Variants in CSF2RB observed in about 807,000 individuals in gnomAD.
The protein encoded by CSF2RB is cytokine receptor common subunit beta.
In CSF2RB, 22 loss-of-function variants were observed where a neutral mutation model predicts 67.2. The observed-to-expected ratio is 0.33, with a 90% CI of 0.23 to 0.47. CSF2RB has a LOEUF of 0.47. CSF2RB is among the 20% of genes least tolerant of loss of function. The pLI is 1.00. For synonymous variants in CSF2RB, 507 were observed against 482.9 expected, an observed-to-expected ratio of 1.05 and a Z score of -0.65; for missense variants, 1,113 against 1,174.5, an observed-to-expected ratio of 0.95 and a Z score of 0.76.
rs112137675 is a variant in CSF2RB at position 36,937,067 on chromosome 22, G to T, written c.1569-310G>T. Among the ~76,000 whole-genome samples, 6,668 of 152,204 alleles carry T rather than the reference G, an allele frequency of 0.044. 205 individuals are homozygous for T. The highest frequency in any genetic ancestry group is 0.09 in the Admixed American group (1,370 of 15,284). ...AAGGGTTGCCCAGTGCACAGGCTGG[G>T]CATGAGCCTGGTGCTGAAGGAGGAT... On this transcript the variant is annotated intron_variant, in intron 13 of 13. Transcript: ENST00000403662. The surrounding 1 kb of genome is among the most constrained non-coding windows in gnomAD (Gnocchi z 4.6).
At position 36,930,623 on chromosome 22, in the gene CSF2RB, C is replaced by A; in HGVS notation, c.855-50C>A. 1.9e-6 allele frequency: 3 copies of A among 1,611,532 alleles called. No homozygotes were observed. The South Asian group carries it at 3.3e-5, about 18-fold the overall frequency. On this transcript the variant is annotated intron_variant, in intron 7 of 13. Coordinates refer to ENST00000403662, the MANE Select transcript of CSF2RB (RefSeq NM_000395.3). ...CACAGCCCACCCTAAGCTCTCCTCCCTCCCGTGTGCCCTCCCTCTCCCTGC... is the reference window on the plus strand; with the variant it reads ...CACAGCCCACCCTAAGCTCTCCTCCATCCCGTGTGCCCTCCCTCTCCCTGC...
chr22:36,935,427 C>T lies in CSF2RB; in HGVS notation c.1392C>T (p.Gly464=), dbSNP rs1219072081. Residue 464 remains glycine (G), a synonymous_variant, in exon 11 of 14, where the codon GGC becomes GGT. Transcript: ENST00000403662. ...IAVLLALRFC[G]IYGYRLRRKW... ...TGCTCCTGGCCCTCCGCTTCTGTGG[C>T]ATCTACGGGTACAGGTGAGGGGACT... The T allele has an allele frequency of 6.2e-7, 1 of 1,614,184 alleles. No homozygotes were observed. The highest frequency in any genetic ancestry group is 8.5e-7 in the Non-Finnish European group (1 of 1,180,018).
At chr22:36,923,439 T>A in intron 3 of CSF2RB, 72 bp downstream of exon 3, 1 of 1,573,180 alleles carries the variant, frequency 6.4e-7, no homozygotes, top group Non-Finnish European at 8.6e-7. Context: ...GGGGCGACAG[T>A]GTAGAGAGGG....
At position 36,929,509 on chromosome 22, in the gene CSF2RB, G is replaced by C; in HGVS notation, c.499G>C (p.Gly167Arg). ...TCCCCAGAGCCACTGGTTGTCCCCA[G>C]GGGATCTGGAGTTTGAGGTGGTCTA... ...GSPQSHWLSPGDLEFEVVYKR... is the reference protein window; with the variant it reads ...GSPQSHWLSPRDLEFEVVYKR... The change falls in exon 5 of 14, where the codon GGG becomes CGG. Residue 167 changes from glycine to arginine, a missense_variant. Physicochemically the swap from Gly to Arg is moderately radical, Grantham distance 125. Coordinates refer to ENST00000403662, the MANE Select transcript of CSF2RB (RefSeq NM_000395.3). 1.2e-6 allele frequency: 2 copies of C among 1,614,198 alleles called. No individual in the cohort carries two copies. The highest frequency in any genetic ancestry group is 2.2e-5 in the South Asian group (2 of 91,088).
At chr22:36,914,568 G>A (rs1288819176) in intron 1 of CSF2RB, among the ~76,000 whole-genome samples, 1 of 152,108 alleles carries the variant, frequency 6.6e-6, no homozygotes, top group Non-Finnish European at 1.5e-5. Flanking sequence ...TTCAGGGTGT[G>A]TGCAGGTGTG....
chr22:36,925,213 T>G (rs1322022813), intron 3 of CSF2RB, among the ~76,000 whole-genome samples: 2 of 152,116 alleles, frequency 1.3e-5, no homozygotes, highest in Non-Finnish European at 2.9e-5. Context: ...GACTGCTACA[T>G]CCCTCCACCA....
chr22:36,923,895 C>A (rs1460011339), intron 3 of CSF2RB: 2 of 790,578 alleles, frequency 2.5e-6, no homozygotes, highest in Non-Finnish European at 3.7e-6. Flanking sequence ...GGGCTCCGCG[C>A]TCTCCCAGGC....
At position 36,938,634 on chromosome 22, in the gene CSF2RB, A is replaced by G; in HGVS notation, c.*132A>G. ...TAGCTAGAGGCCTGGGAAAGGAGATAGCCTTGCTCCGGCCCCCTTGACCTT... is the reference window on the plus strand; with the variant it reads ...TAGCTAGAGGCCTGGGAAAGGAGATGGCCTTGCTCCGGCCCCCTTGACCTT... On this transcript the variant is annotated 3_prime_UTR_variant, in exon 14 of 14. Coordinates refer to ENST00000403662, the MANE Select transcript of CSF2RB (RefSeq NM_000395.3). The G allele has an allele frequency of 1.0e-6, 1 of 987,320 alleles. No homozygotes were observed. Among genetic ancestry groups the G allele is most frequent in the Non-Finnish European group, 1.5e-6 (1 of 687,232 alleles). The allele number at this position is 987,320 out of a possible 1,614,324, so 61.2% of individuals were successfully genotyped here.
rs147653317 is a variant in CSF2RB, at chr22:36,935,704, A to T, written c.1464+17A>T. ...CTGTTCCAGGTAGGAACTGGCTGCG[A>T]GGGGCGGAGTGGGGGCTTCTCTGTT... On this transcript the variant is annotated intron_variant, in intron 12 of 13. Transcript: ENST00000403662. 1,313 of 1,611,372 alleles carry T rather than the reference A, an allele frequency of 8.1e-4. 15 individuals carry two copies. In the African/African-American group the frequency reaches 0.016, roughly 20 times the overall value.
chr22:36,936,664 C>T lies in CSF2RB; in HGVS notation c.1568+12C>T, dbSNP rs1382046320. 20 of 1,602,532 alleles carry T rather than the reference C, an allele frequency of 1.2e-5. No individual in the cohort carries two copies. The highest frequency in any genetic ancestry group is 1.5e-5 in the Non-Finnish European group (17 of 1,171,344). ...CCTGAGCTGGAGGGGTGAGTGGGCT[C>T]GTGGATCACTCCTGACCTTTGGGGT... On this transcript the variant is annotated intron_variant, in intron 13 of 13. Transcript: ENST00000403662.
chr22:36,929,096 C>G (rs557559086), intron 4 of CSF2RB, among the ~76,000 whole-genome samples: 3 of 152,306 alleles, frequency 2.0e-5, no homozygotes, highest in East Asian at 1.9e-4. Context: ...CAGGCCGCAG[C>G]GTGGGCAGTG....
chr22:36,935,505 C>T, intron 11 of CSF2RB, 64 bp downstream of exon 11: 1 of 1,604,448 alleles, frequency 6.2e-7, no homozygotes, highest in Admixed American at 1.7e-5. Flanking sequence ...GGGAATCCCA[C>T]CCAGCTCCCT....
chr22:36,937,469 C>A lies in CSF2RB; in HGVS notation c.1661C>A (p.Thr554Lys). The A allele has an allele frequency of 6.2e-7, 1 of 1,614,024 alleles. No individual in the cohort carries two copies. Among genetic ancestry groups the A allele is most frequent in the South Asian group, 1.1e-5 (1 of 91,086 alleles). The change falls in exon 14 of 14, where the codon ACG (threonine) becomes AAG (lysine). Residue 554 changes from threonine (T) to lysine (K), a missense_variant. By Grantham distance (78) the Thr-to-Lys change is moderately conservative (BLOSUM62 -1). Transcript: ENST00000403662. This position sits in a 1 kb window ranked among gnomAD's most constrained non-coding sequence, Gnocchi z 4.6. ...TGTGATCCACCATCTGGGCCTGACACGACTCCAGCTGCCTCAGATCTACCC... is the reference window on the plus strand; with the variant it reads ...TGTGATCCACCATCTGGGCCTGACAAGACTCCAGCTGCCTCAGATCTACCC... ...HVCDPPSGPD[T>K]TPAASDLPTE...
chr22:36,939,285 G>A lies in CSF2RB; in HGVS notation c.*783G>A, dbSNP rs528990434. ...CGGCCCAAGTGGTGGGCAGGCTGGC[G>A]GGACCTGGGGAACATCAGGAGAGGA... On this transcript the variant is annotated 3_prime_UTR_variant, in exon 14 of 14. Transcript: ENST00000403662. The A allele has an allele frequency of 1.4e-5, 10 of 701,898 alleles. No homozygotes were observed. Among genetic ancestry groups the A allele is most frequent in the South Asian group, 7.4e-5 (5 of 67,184 alleles). The allele number at this position is 701,898 out of a possible 1,614,324, so 43.5% of individuals were successfully genotyped here. A position where few individuals can be genotyped will look rare whatever the true frequency, so the allele number is the denominator to read the frequency against.
intron 1 of CSF2RB, among the ~76,000 whole-genome samples, chr22:36,919,613 G>A (rs952034004): frequency 4.0e-5 from 6 of 150,370 alleles, no homozygotes; most frequent in East Asian, 2.0e-4. Context: ...GTTCTACCAC[G>A]TTGGCCAGGC....
intron 12 of CSF2RB, among the ~76,000 whole-genome samples, chr22:36,935,953 G>A (rs960713031): frequency 6.5e-5 from 8 of 123,482 alleles, no homozygotes; most frequent in Admixed American, 9.0e-5. Context: ...GACAGGGTGG[G>A]CTCACAGAGG....
chr22:36,934,821 C>G (rs1208155670), intron 10 of CSF2RB, among the ~76,000 whole-genome samples: 2 of 152,152 alleles, frequency 1.3e-5, no homozygotes, highest in Non-Finnish European at 2.9e-5. Flanking sequence ...AGGGCCACAA[C>G]CAGGTAGAAA....
chr22:36,914,379 C>T (rs1401999547), intron 1 of CSF2RB, among the ~76,000 whole-genome samples: 2 of 145,368 alleles, frequency 1.4e-5, no homozygotes, highest in East Asian at 4.1e-4. Flanking sequence ...ATACCAGGCA[C>T]TATCCAGCAA....
At chr22:36,936,696 G>A (rs746251060) in intron 13 of CSF2RB, 44 bp downstream of exon 13, 56 of 1,525,922 alleles carry the variant, frequency 3.7e-5, no homozygotes, top group Admixed American at 5.1e-5. Flanking sequence ...GGGTTCATAC[G>A]GGGGGCTGAC....
Sources: gnomAD v4.1 joint callset for allele counts (sites outside exome capture counted in the v4.1 genomes callset) on GRCh38, gnomAD v4.1.1 for gene constraint, Gnocchi (gnomAD v3.1) non-coding constraint, MANE v1.5 for transcripts, NCBI Gene and HGNC (gene_info 2026-07-23, HGNC 2026-07-21) for gene names.